DSG1: variants seen among roughly 807,000 people sequenced by gnomAD.
DSG1 encodes desmoglein 1, also known as desmoglein-1.
A neutral mutation model predicts 97.5 loss-of-function variants in DSG1; 39 were observed. That is an observed-to-expected ratio of 0.40 (90% CI 0.31 to 0.52). The LOEUF is 0.52. Ranked by LOEUF, DSG1 falls within the 20% of genes least tolerant of loss-of-function variation. The probability of loss-of-function intolerance (pLI) is 0.53; values close to 1 mark genes in which losing one functional copy is unlikely to be tolerated. For synonymous variants in DSG1, 475 were observed against 443.4 expected (o/e 1.07, Z -0.90); for missense variants, 1,311 against 1,295.4 (o/e 1.01, Z -0.18).
intron 14 of DSG1, among the ~76,000 whole-genome samples, chr18:31,352,616 G>T (rs1242742782): frequency 6.7e-6 from 1 of 149,462 alleles, no homozygotes; most frequent in Non-Finnish European, 1.5e-5. Flanking sequence ...CCAATCAGAC[G>T]TAGATTTGGT....
At chr18:31,341,991 T>C (rs2071792502) in intron 11 of DSG1, among the ~76,000 whole-genome samples, 1 of 152,006 alleles carries the variant, frequency 6.6e-6, no homozygotes, top group South Asian at 2.1e-4. Flanking sequence ...TGGAGTACAG[T>C]GGTGCAATCT....
rs571767000 is a variant in DSG1 at position 31,327,255 on chromosome 18, A to G, written c.216+250A>G. The stretch of plus-strand genomic sequence containing the variant: ...TACACATGATCATGTGTTATCCCAA[A>G]CTCCAGATGAAAAAAGATCATTATT... On this transcript the variant is annotated intron_variant, in intron 3 of 14. Coordinates refer to ENST00000257192, the MANE Select transcript of DSG1 (RefSeq NM_001942.4). Among the ~76,000 whole-genome samples the G allele has an allele frequency of 2.6e-5, 4 of 152,230 alleles. No individual in the cohort carries two copies. The East Asian group carries it at 5.8e-4, about 22-fold the overall frequency.
chr18:31,349,045 C>G (rs2071870281), intron 14 of DSG1, among the ~76,000 whole-genome samples: 2 of 92,934 alleles, frequency 2.2e-5, no homozygotes, highest in African/African-American at 8.5e-5. Flanking sequence ...TTGCCCATGC[C>G]TATGTCCTGA....
At chr18:31,339,287 T>TA (rs774086551) in intron 10 of DSG1, among the ~76,000 whole-genome samples, 20 of 151,616 alleles carry the variant, frequency 1.3e-4, no homozygotes, top group Middle Eastern at 3.4e-3. Flanking sequence ...TAGTTTAAAG[T>TA]AAAAAAAATG....
At chr18:31,340,273 C>T (rs777917788) in intron 11 of DSG1, among the ~76,000 whole-genome samples, 43 of 151,716 alleles carry the variant, frequency 2.8e-4, no homozygotes, top group Non-Finnish European at 4.6e-4. Context: ...CCATAACAAG[C>T]AGGCTCAAAT....
At chr18:31,343,849 A>G in intron 12 of DSG1, 77 bp from the exon 13 acceptor site, 2 of 1,305,878 alleles carry the variant, frequency 1.5e-6, no homozygotes, top group Non-Finnish European at 2.2e-6. Context: ...TAATTTAAGA[A>G]TAAACCAAAT....
At position 31,334,203 on chromosome 18, in the gene DSG1, G is replaced by C; in HGVS notation, c.1005+1G>C. The C allele has an allele frequency of 6.4e-7, 1 of 1,564,870 alleles. No homozygotes were observed. The highest frequency in any genetic ancestry group is 8.8e-7 in the Non-Finnish European group (1 of 1,136,776). On this transcript the variant is annotated splice_donor_variant, in intron 8 of 14. Transcript: ENST00000257192. LOFTEE classifies it high-confidence loss of function. ...TGTGGGAATTTTAAAGGTTGTTAAGGTATGGTATAATTATCCTAAATATTT... is the reference window on the plus strand; with the variant it reads ...TGTGGGAATTTTAAAGGTTGTTAAGCTATGGTATAATTATCCTAAATATTT...
chr18:31,338,491 A>G (rs1402585974), intron 10 of DSG1, 37 bp downstream of exon 10: 1 of 1,598,096 alleles, frequency 6.3e-7, no homozygotes, highest in South Asian at 1.1e-5. Context: ...TTTTCTAGAG[A>G]AAGCTGTATA....
At position 31,346,961 on chromosome 18, in the gene DSG1, C is replaced by T. The variant is rs570633900; in HGVS notation, c.2100+763C>T. 9.3e-4 allele frequency among the ~76,000 whole-genome samples: 142 copies of T among 152,214 alleles called. 1 individual carries two copies. Among genetic ancestry groups the T allele is most frequent in the African/African-American group, 3.2e-3 (131 of 41,526 alleles). On this transcript the variant is annotated intron_variant, in intron 14 of 14. Coordinates refer to ENST00000257192, the MANE Select transcript of DSG1 (RefSeq NM_001942.4). ...GTAGGTGGTGGGAAGAGCATGAAGC[C>T]TGGAGAAGCAGCTGCAGGAGAATTT...
intron 14 of DSG1, chr18:31,353,966 T>A (rs2071927849): frequency 3.1e-6 from 1 of 325,582 alleles, no homozygotes; most frequent in Admixed American, 4.5e-5. Flanking sequence ...AGACCAGAGC[T>A]GTTCCTATTC....
Position 31,355,564 on chromosome 18 carries a change from C to T in DSG1, c.*218C>T. On this transcript the variant is annotated 3_prime_UTR_variant, in exon 15 of 15. Transcript: ENST00000257192. Reference sequence around the variant, plus strand: ...TTTCTCTTATATTAGGACTAAGGAACTAAAACTTGAGGCAGAGTCTTCTTT... The same window carrying T: ...TTTCTCTTATATTAGGACTAAGGAATTAAAACTTGAGGCAGAGTCTTCTTT... The T allele has an allele frequency of 1.7e-6, 1 of 574,770 alleles. No individual in the cohort carries two copies. Among genetic ancestry groups the T allele is most frequent in the Non-Finnish European group, 3.1e-6 (1 of 324,286 alleles). The allele number at this position is 574,770 out of a possible 1,614,324, so 35.6% of individuals were successfully genotyped here.
rs371822501 is a variant in DSG1 at position 31,354,501 on chromosome 18, C to A, written c.2305C>A (p.Pro769Thr). The change falls in exon 15 of 15, where the codon CCA becomes ACA. Residue 769 changes from proline to threonine, a missense_variant. This residue lies in a region of DSG1 where 1,038 missense variants were observed against 964.6 expected (regional missense o/e 1.08). Transcript: ENST00000257192. ...CATCAGCCTAGGAAAAGAATCATAT[C>A]CAGACCTTGATCCTTCTTGGCCACC... is the stretch of plus-strand genomic sequence containing the variant. ...ADISLGKESY[P>T]DLDPSWPPQS... The A allele has an allele frequency of 1.1e-5, 17 of 1,614,046 alleles. No individual in the cohort carries two copies. The highest frequency in any genetic ancestry group is 1.6e-4 in the Middle Eastern group (1 of 6,082).
intron 1 of DSG1, among the ~76,000 whole-genome samples, chr18:31,321,852 T>C (rs1438690367): frequency 6.6e-6 from 1 of 152,208 alleles, no homozygotes; most frequent in Admixed American, 6.5e-5. Context: ...AAAGACCTGG[T>C]TGCTGAGTAT....
intron 1 of DSG1, among the ~76,000 whole-genome samples, chr18:31,319,215 T>C (rs2071639030): frequency 6.6e-6 from 1 of 152,210 alleles, no homozygotes; most frequent in African/African-American, 2.4e-5. Flanking sequence ...TTGAAAATTG[T>C]AATCTCTCTC....
At chr18:31,340,625 A>G (rs1228720633) in intron 11 of DSG1, among the ~76,000 whole-genome samples, 3 of 152,132 alleles carry the variant, frequency 2.0e-5, no homozygotes, top group Non-Finnish European at 4.4e-5. Context: ...AAAGATGAAT[A>G]AGAATTAGCC....
chr18:31,348,596 G>A (rs1270772324), intron 14 of DSG1, among the ~76,000 whole-genome samples: 1 of 151,506 alleles, frequency 6.6e-6, no homozygotes, highest in Non-Finnish European at 1.5e-5. Flanking sequence ...CAGTGTAAAA[G>A]TGTTCCTATT....
intron 1 of DSG1, among the ~76,000 whole-genome samples, chr18:31,321,891 A>G (rs1007152424): frequency 1.3e-5 from 2 of 152,306 alleles, no homozygotes; most frequent in Middle Eastern, 3.4e-3. Flanking sequence ...ATTGCCTAAC[A>G]TATCAGCAGG....
intron 1 of DSG1, among the ~76,000 whole-genome samples, chr18:31,318,966 A>G (rs1338555036): frequency 6.6e-6 from 1 of 152,196 alleles, no homozygotes; most frequent in Admixed American, 6.5e-5. Context: ...AGGTTTATAA[A>G]TGACATATTA....
rs951441711 is a variant in DSG1 at position 31,326,508 on chromosome 18, A to C, written c.49-73A>C. 7 of 1,176,084 alleles carry C rather than the reference A, an allele frequency of 6.0e-6. No individual in the cohort carries two copies. In the African/African-American group the frequency reaches 1.1e-4, roughly 18 times the overall value. The allele number at this position is 1,176,084 out of a possible 1,614,324, so 72.9% of individuals were successfully genotyped here. The stretch of plus-strand genomic sequence containing the variant: ...AGCCTATGGTTTCATGTTGTTTTTA[A>C]AGTAACTGGATAATATAAATTTTAA... On this transcript the variant is annotated intron_variant, in intron 1 of 14. Coordinates refer to ENST00000257192, the MANE Select transcript of DSG1 (RefSeq NM_001942.4).
Sources: allele counts gnomAD v4.1 joint callset (sites outside exome capture counted in the v4.1 genomes callset), GRCh38; gene constraint gnomAD v4.1.1; regional missense constraint gnomAD v4.1.1; transcripts MANE v1.5; gene names NCBI Gene and HGNC (gene_info 2026-07-23, HGNC 2026-07-21).